DDC: variants seen among roughly 807,000 people sequenced by gnomAD.
DDC encodes aromatic-L-amino-acid decarboxylase.
DDC carries 43 observed loss-of-function variants against 60.0 expected under a neutral mutation model. That is an observed-to-expected ratio of 0.72 (90% CI 0.56 to 0.92). The LOEUF (loss-of-function observed/expected upper bound fraction) is 0.92. Among genes scored for constraint, DDC ranks in the 40% least tolerant of loss-of-function variants. The probability of loss-of-function intolerance (pLI) is 0.00; values close to 1 mark genes in which losing one functional copy is unlikely to be tolerated. For synonymous variants in DDC, 232 were observed against 234.6 expected (o/e 0.99, Z 0.10); for missense variants, 573 against 620.2 (o/e 0.92, Z 0.81).
intron 9 of DDC, among the ~76,000 whole-genome samples, chr7:50,483,533 T>C (rs2042815609): frequency 1.3e-5 from 2 of 152,188 alleles, no homozygotes; most frequent in Admixed American, 6.5e-5. Flanking sequence ...TGGCCTCTTT[T>C]GCTGCTCTCT....
intron 6 of DDC, among the ~76,000 whole-genome samples, chr7:50,510,855 C>T (rs2043546369): frequency 6.7e-6 from 1 of 150,120 alleles, no homozygotes; most frequent in Non-Finnish European, 1.5e-5. Flanking sequence ...GTGGTGGGCG[C>T]CTGTAGTCCC....
At chr7:50,552,329 T>A (rs1315792428) in intron 1 of DDC, among the ~76,000 whole-genome samples, 1 of 152,186 alleles carries the variant, frequency 6.6e-6, no homozygotes, top group Non-Finnish European at 1.5e-5. Context: ...TCTGTTGACA[T>A]AAACTGCCCA....
At chr7:50,545,076 A>C (rs11575281) in intron 1 of DDC, among the ~76,000 whole-genome samples, 3,233 of 152,334 alleles carry the variant, frequency 0.021, 55 homozygotes, top group Non-Finnish European at 0.034. Context: ...CAAAATCACC[A>C]AGAAGAAAAA....
intron 9 of DDC, among the ~76,000 whole-genome samples, chr7:50,482,620 T>G (rs1049425184): frequency 2.0e-5 from 3 of 152,224 alleles, no homozygotes; most frequent in African/African-American, 7.2e-5. Context: ...ATAAATATTA[T>G]GCCAGGATAT....
intron 4 of DDC, among the ~76,000 whole-genome samples, chr7:50,536,824 G>T (rs943001558): frequency 1.3e-5 from 2 of 152,234 alleles, no homozygotes; most frequent in East Asian, 3.9e-4. Context: ...TCTGCACAAA[G>T]GTGTTCTCCA....
chr7:50,529,140 T>C, intron 5 of DDC, 68 bp downstream of exon 5: 1 of 1,603,388 alleles, frequency 6.2e-7, no homozygotes, highest in Non-Finnish European at 8.5e-7. Context: ...TTGGTTTGGT[T>C]TGAATTTGAC....
At chr7:50,508,101 C>T (rs2043449565) in intron 6 of DDC, among the ~76,000 whole-genome samples, 1 of 152,240 alleles carries the variant, frequency 6.6e-6, no homozygotes, top group Admixed American at 6.5e-5. Context: ...AGAGGCCCCT[C>T]CAACAAACCC....
intron 6 of DDC, among the ~76,000 whole-genome samples, chr7:50,527,448 T>C (rs1169612720): frequency 1.3e-5 from 2 of 152,202 alleles, no homozygotes; most frequent in Non-Finnish European, 2.9e-5. Context: ...TCTATTCAAA[T>C]TGTACTGAAA....
In DDC at chr7:50,537,868, C is replaced by T. The variant is rs1301361505; in HGVS notation, c.427G>A (p.Val143Met). 1.9e-6 allele frequency: 3 copies of T among 1,614,178 alleles called. No individual in the cohort carries two copies. Among genetic ancestry groups the T allele is most frequent in the Non-Finnish European group, 2.5e-6 (3 of 1,180,038 alleles). Residue 143 changes from valine (V) to methionine (M), a missense_variant, in exon 4 of 15, where the codon GTG (valine) becomes ATG (methionine). Physicochemically the swap from Val to Met is conservative, Grantham distance 21. Transcript: ENST00000444124. Reference protein sequence around the residue: ...LNEKAGEGGGVIQGSASEATL... With the variant: ...LNEKAGEGGGMIQGSASEATL... Reference sequence around the variant, plus strand: ...CACAGCTCCCACCTTACCTGGATCACTCCTCCCCCTTCTCCAGCTTTCTCA... The same window carrying T: ...CACAGCTCCCACCTTACCTGGATCATTCCTCCCCCTTCTCCAGCTTTCTCA...
chr7:50,477,404 G>T (rs1207010196), intron 10 of DDC, among the ~76,000 whole-genome samples: 2 of 152,192 alleles, frequency 1.3e-5, no homozygotes, highest in Non-Finnish European at 2.9e-5. Context: ...TTGTGCTCTG[G>T]GAGTAGATCC....
intron 1 of DDC, among the ~76,000 whole-genome samples, chr7:50,561,299 T>C (rs1252551798): frequency 6.6e-6 from 1 of 152,092 alleles, no homozygotes; most frequent in Non-Finnish European, 1.5e-5. Flanking sequence ...ATGGGCCCTG[T>C]GTTCCCAGGC....
At chr7:50,494,590 CG>C (rs1473569786) in intron 9 of DDC, among the ~76,000 whole-genome samples, 4 of 142,578 alleles carry the variant, frequency 2.8e-5, no homozygotes. Flanking sequence ...GACACTGTCT[CG>C]AAAAAAAAAA....
At position 50,504,399 on chromosome 7, in the gene DDC, T is replaced by C. The variant is rs140417694; in HGVS notation, c.715-340A>G. On this transcript the variant is annotated intron_variant, in intron 6 of 14. Coordinates refer to ENST00000444124, the MANE Select transcript of DDC (RefSeq NM_001082971.2). ...TATTCTACTTTAGTAAATATACATA[T>C]ACTATATTCTACTTTATTAAATATA... Among the ~76,000 whole-genome samples, 4 of 152,202 alleles carry C rather than the reference T, an allele frequency of 2.6e-5. No individual in the cohort carries two copies. In the East Asian group the frequency reaches 7.7e-4, roughly 29 times the overall value.
intron 6 of DDC, among the ~76,000 whole-genome samples, chr7:50,506,354 T>C (rs2043395090): frequency 6.6e-6 from 1 of 152,070 alleles, no homozygotes; most frequent in Non-Finnish European, 1.5e-5. Context: ...GGGCCTGTCA[T>C]GGGGTGGCAG....
chr7:50,492,647 T>C, intron 9 of DDC: 1 of 1,190,740 alleles, frequency 8.4e-7, no homozygotes, highest in Non-Finnish European at 1.1e-6. Context: ...GCCTCTCTTG[T>C]GTCTTAGGGC....
At chr7:50,563,387 A>C (rs1453244918) in intron 1 of DDC, among the ~76,000 whole-genome samples, 1 of 152,140 alleles carries the variant, frequency 6.6e-6, no homozygotes, top group African/African-American at 2.4e-5. Context: ...CCAATAAAGC[A>C]AGATGATTAC....
At chr7:50,496,963 A>G (rs2043140383) in intron 8 of DDC, among the ~76,000 whole-genome samples, 1 of 152,214 alleles carries the variant, frequency 6.6e-6, no homozygotes, top group Non-Finnish European at 1.5e-5. Flanking sequence ...ATTTTGAGAA[A>G]AGGACAGGAA....
chr7:50,475,317 A>G (rs1481637602), intron 11 of DDC, among the ~76,000 whole-genome samples: 1 of 152,228 alleles, frequency 6.6e-6, no homozygotes, highest in African/African-American at 2.4e-5. Flanking sequence ...GATAAGTCAG[A>G]TTGACAATGG....
chr7:50,506,970 T>C (rs938092839), intron 6 of DDC, among the ~76,000 whole-genome samples: 2 of 152,272 alleles, frequency 1.3e-5, no homozygotes, highest in African/African-American at 4.8e-5. Context: ...TTTTCTCTGC[T>C]ATTTGCAATT....
Sources: gnomAD v4.1 joint callset for allele counts (sites outside exome capture counted in the v4.1 genomes callset) on GRCh38, gnomAD v4.1.1 for gene constraint, MANE v1.5 for transcripts, NCBI Gene and HGNC (gene_info 2026-07-23, HGNC 2026-07-21) for gene names.